BOD1L1: variants seen among roughly 807,000 people sequenced by gnomAD.
The protein encoded by BOD1L1 is biorientation of chromosomes in cell division protein 1-like 1.
Under a neutral mutation model 240.7 loss-of-function variants are expected in BOD1L1, and 86 were observed. That is an observed-to-expected ratio of 0.36 (90% CI 0.30 to 0.43). The LOEUF (loss-of-function observed/expected upper bound fraction) is 0.43. Ranked by LOEUF, BOD1L1 falls within the 20% of genes least tolerant of loss-of-function variation. The probability of loss-of-function intolerance (pLI) is 1.00; values close to 1 mark genes in which losing one functional copy is unlikely to be tolerated. For synonymous variants in BOD1L1, 1,268 were observed against 1,272.3 expected (o/e 1.00, Z 0.07); for missense variants, 3,554 against 3,643.5 (o/e 0.98, Z 0.63).
At chr4:13,624,118 A>G (rs1259841360) in intron 1 of BOD1L1, 1 of 152,132 alleles carries the variant, frequency 6.6e-6, no homozygotes, top group African/African-American at 2.4e-5. Flanking sequence ...CTAATTGCTA[A>G]CTAAGGGAGT....
At chr4:13,585,339 C>T (rs541036575) in intron 17 of BOD1L1, among the ~76,000 whole-genome samples, 33 of 152,102 alleles carry the variant, frequency 2.2e-4, no homozygotes, top group Non-Finnish European at 3.8e-4. Context: ...GACTTAAACA[C>T]TTTTGGAATA....
chr4:13,620,937 T>TCC (rs1560220406), intron 1 of BOD1L1, among the ~76,000 whole-genome samples: 1 of 152,116 alleles, frequency 6.6e-6, no homozygotes, highest in Non-Finnish European at 1.5e-5. Context: ...CTTGGCAATG[T>TCC]CTGGAGACAT....
Position 13,572,889 on chromosome 4 carries a change from C to T in BOD1L1, c.9039-2761G>A, listed in dbSNP as rs192378881. ...CTGGGCAATGGTAGCACTGAATACT[C>T]CAGTCCCTGGAACTCTGTAGGAAGT... On this transcript the variant is annotated intron_variant, in intron 25 of 25. Coordinates refer to ENST00000040738, the MANE Select transcript of BOD1L1 (RefSeq NM_148894.3). 33 of 1,277,858 alleles carry T rather than the reference C, an allele frequency of 2.6e-5. No homozygotes were observed. In the African/African-American group the frequency reaches 4.0e-4, roughly 15 times the overall value. 79.2% of individuals were successfully genotyped at this position (1,277,858 alleles called of 1,614,324 possible).
intron 25 of BOD1L1, among the ~76,000 whole-genome samples, chr4:13,570,719 G>A (rs528866682): frequency 9.0e-4 from 137 of 152,244 alleles, no homozygotes; most frequent in African/African-American, 3.1e-3. Flanking sequence ...CTGTCCTAGA[G>A]ATGTATGAAG....
At chr4:13,611,899 A>G (rs916832278) in intron 5 of BOD1L1, among the ~76,000 whole-genome samples, 8 of 152,214 alleles carry the variant, frequency 5.3e-5, no homozygotes, top group African/African-American at 1.9e-4. Context: ...AAGAAGAAAA[A>G]AAAAGTAAAC....
At chr4:13,615,998 C>A (rs1170840880) in intron 2 of BOD1L1, among the ~76,000 whole-genome samples, 1 of 152,072 alleles carries the variant, frequency 6.6e-6, no homozygotes, top group African/African-American at 2.4e-5. Flanking sequence ...CATCAAATTG[C>A]AAAATCAAAG....
intron 17 of BOD1L1, 139 bp from the exon 18 acceptor site, chr4:13,582,875 GAAGTGT>G: frequency 4.9e-6 from 3 of 608,386 alleles, no homozygotes; most frequent in Non-Finnish European, 8.7e-6. Flanking sequence ...AAATGTTTTT[GAAGTGT>G]AACTATTATT....
chr4:13,617,579 T>C (rs1716712918), intron 2 of BOD1L1, among the ~76,000 whole-genome samples: 1 of 152,218 alleles, frequency 6.6e-6, no homozygotes, highest in Admixed American at 6.5e-5. Context: ...TGTCTTCCTT[T>C]CAAATTATGT....
rs776608405 is a variant in BOD1L1 at position 13,603,626 on chromosome 4, T to C, written c.3274A>G (p.Asn1092Asp). The change falls in exon 10 of 26, where the codon AAC becomes GAC. Residue 1092 changes from asparagine to aspartate, a missense_variant. By Grantham distance (23) the Asn-to-Asp change is conservative. Around this residue, in one of 2 missense-constraint regions of BOD1L1, gnomAD observed 3,393 missense variants for 3,427.1 expected, o/e 0.99. Transcript: ENST00000040738. ...GAACCGCTGGGAGTGCTCAAAGTGTTTGCTGCTAATTTTTCTTCTCCTTTG... is the reference window on the plus strand; with the variant it reads ...GAACCGCTGGGAGTGCTCAAAGTGTCTGCTGCTAATTTTTCTTCTCCTTTG... ...MAKGEEKLAANTLSTPSGSSL... is the reference protein window; with the variant it reads ...MAKGEEKLAADTLSTPSGSSL... 29 of 1,613,964 alleles carry C rather than the reference T, an allele frequency of 1.8e-5. No individual in the cohort carries two copies. Among genetic ancestry groups the C allele is most frequent in the Non-Finnish European group, 2.5e-5 (29 of 1,179,872 alleles).
At chr4:13,623,055 C>G (rs967323970) in intron 1 of BOD1L1, among the ~76,000 whole-genome samples, 2 of 152,200 alleles carry the variant, frequency 1.3e-5, no homozygotes, top group African/African-American at 4.8e-5. Context: ...TCAATTCCTT[C>G]ACAGATGGCT....
At chr4:13,605,941 GATTAAT>G (rs1715664921) in intron 9 of BOD1L1, among the ~76,000 whole-genome samples, 1 of 152,126 alleles carries the variant, frequency 6.6e-6, no homozygotes, top group Admixed American at 6.5e-5. Flanking sequence ...CTAAGTAGGC[GATTAAT>G]ATTAATGAGT....
At chr4:13,574,314 A>G (rs1331328631) in intron 25 of BOD1L1, among the ~76,000 whole-genome samples, 1 of 152,098 alleles carries the variant, frequency 6.6e-6, no homozygotes, top group Non-Finnish European at 1.5e-5. Flanking sequence ...GAGCCCACCC[A>G]ACTCAGACAA....
chr4:13,586,250 CA>C, intron 17 of BOD1L1, 145 bp downstream of exon 17: 1 of 429,836 alleles, frequency 2.3e-6, no homozygotes, highest in Non-Finnish European at 4.1e-6. Flanking sequence ...AAAAAATAGA[CA>C]CCTTTTATAA....
chr4:13,611,539 C>A (rs1436005305), intron 5 of BOD1L1, among the ~76,000 whole-genome samples: 2 of 152,142 alleles, frequency 1.3e-5, no homozygotes, highest in Non-Finnish European at 2.9e-5. Context: ...TGAATATGAT[C>A]TGGTGGAAAG....
chr4:13,570,222 T>G (rs1712092601), intron 25 of BOD1L1, 94 bp from the exon 26 acceptor site: 3 of 882,918 alleles, frequency 3.4e-6, no homozygotes, highest in Non-Finnish European at 4.9e-6. Flanking sequence ...GTTTTGAACT[T>G]GACAGCTAAG....
chr4:13,611,087 GTTC>G lies in BOD1L1; in HGVS notation c.1335_1337del (p.Lys445del), dbSNP rs759935161. 100 of 1,601,596 alleles carry G rather than the reference GTTC, an allele frequency of 6.2e-5. 2 individuals are homozygous for G. The South Asian group carries it at 1.1e-3, about 17-fold the overall frequency. ...TTTGAGTTTTTGTTTTATTCTGTTT[GTTC>G]TTCTCTTCATCTGTAAGAAAGTTAA... On this transcript the variant is annotated inframe_deletion, in exon 6 of 26. Coordinates refer to ENST00000040738, the MANE Select transcript of BOD1L1 (RefSeq NM_148894.3).
At chr4:13,592,000 T>C (rs367923549) in intron 12 of BOD1L1, 34 bp from the exon 13 acceptor site, 32 of 1,473,922 alleles carry the variant, frequency 2.2e-5, no homozygotes, top group Non-Finnish European at 2.8e-5. Context: ...GTAAAGAAAC[T>C]GAATATTGTT....
chr4:13,574,164 A>G (rs1328406356), intron 25 of BOD1L1, among the ~76,000 whole-genome samples: 1 of 152,228 alleles, frequency 6.6e-6, no homozygotes, highest in Non-Finnish European at 1.5e-5. Context: ...GCTTCTACTG[A>G]ACACAAGTCA....
At position 13,590,367 on chromosome 4, in the gene BOD1L1, A is replaced by T. The variant is rs1398077285; in HGVS notation, c.8209+19T>A. The T allele has an allele frequency of 7.4e-7, 1 of 1,346,356 alleles. No homozygotes were observed. The highest frequency in any genetic ancestry group is 1.5e-5 in the African/African-American group (1 of 67,856). The allele number at this position is 1,346,356 out of a possible 1,614,324, so 83.4% of individuals were successfully genotyped here. A position where few individuals can be genotyped will look rare whatever the true frequency, so the allele number is the denominator to read the frequency against. ...TAACTATAATATTAAAACTATAACT[A>T]TGAAATTCATTAACTTACCTCCTTT... On this transcript the variant is annotated intron_variant, in intron 14 of 25. Transcript: ENST00000040738.
Sources: gnomAD v4.1 joint callset for allele counts (sites outside exome capture counted in the v4.1 genomes callset) on GRCh38, gnomAD v4.1.1 for gene constraint, gnomAD v4.1.1 regional missense constraint, MANE v1.5 for transcripts, NCBI Gene and HGNC (gene_info 2026-07-23, HGNC 2026-07-21) for gene names.